SMPX: variants seen among roughly 807,000 people sequenced by gnomAD.
SMPX encodes the protein small muscular protein.
A neutral mutation model predicts 6.3 loss-of-function variants in SMPX; 2 were observed. The ratio of observed to expected loss-of-function variants is 0.32; its 90% CI spans 0.13 to 0.99. The LOEUF (loss-of-function observed/expected upper bound fraction) is 0.99, where lower values mean the gene tolerates loss of function less well. Ranked by LOEUF, SMPX falls within the 50% of genes least tolerant of loss-of-function variation. The pLI, the probability that SMPX is intolerant of heterozygous loss-of-function variation, is 0.49. For synonymous variants in SMPX, 32 were observed against 24.7 expected (o/e 1.30, Z -0.88); for missense variants, 60 against 66.8 (o/e 0.90, Z 0.36).
chrX:21,710,385 C>T (rs751151859), intron 4 of SMPX, among the ~76,000 whole-genome samples: 6 of 110,756 alleles, frequency 5.4e-5, no homozygotes, highest in Non-Finnish European at 1.1e-4. Flanking sequence ...ATATAATGGA[C>T]TTTAGAGCCT....
chrX:21,733,249 A>G (rs1041986891), intron 4 of SMPX, among the ~76,000 whole-genome samples: 1 of 111,887 alleles, frequency 8.9e-6, no homozygotes, highest in South Asian at 3.8e-4. Flanking sequence ...ATTCCAACTC[A>G]TTCTCATTTA....
chrX:21,754,445 C>A (rs898598566), intron 1 of SMPX, 143 bp from the exon 2 acceptor site: 4 of 533,163 alleles, frequency 7.5e-6, no homozygotes, highest in Non-Finnish European at 1.3e-5. Context: ...TCCAAAGTTA[C>A]GAAGACACTC....
intron 4 of SMPX, among the ~76,000 whole-genome samples, chrX:21,723,810 G>A (rs1224504585): frequency 8.9e-6 from 1 of 112,224 alleles, no homozygotes; most frequent in Non-Finnish European, 1.9e-5. Flanking sequence ...CCACACAGGA[G>A]AGAAAACTGA....
chrX:21,709,981 A>G (rs145434167), intron 4 of SMPX, among the ~76,000 whole-genome samples: 237 of 112,034 alleles, frequency 2.1e-3, no homozygotes, highest in African/African-American at 6.9e-3. Context: ...AATGGGTACC[A>G]TTTATATGGC....
intron 4 of SMPX, among the ~76,000 whole-genome samples, chrX:21,725,807 CAGATA>C (rs1430356854): frequency 1.8e-5 from 2 of 112,234 alleles, no homozygotes; most frequent in African/African-American, 6.5e-5. Flanking sequence ...ATATTAGTCA[CAGATA>C]AGATAATTAA....
chrX:21,758,060 C>T lies in SMPX; in HGVS notation c.-131G>A, dbSNP rs1204825808. On this transcript the variant is annotated 5_prime_UTR_variant, in exon 1 of 5. Coordinates refer to ENST00000379494, the MANE Select transcript of SMPX (RefSeq NM_014332.3). The stretch of plus-strand genomic sequence containing the variant: ...GTCCTCTGAGCTGCGATCTCAATTC[C>T]GATGCTTTTCATGTGGCTGAAATAG... 3 of 327,725 alleles carry T rather than the reference C, an allele frequency of 9.2e-6. No individual in the cohort carries two copies. The highest frequency in any genetic ancestry group is 9.7e-5 in the East Asian group (1 of 10,262). 27.0% of individuals were successfully genotyped at this position (327,725 alleles called of 1,213,427 possible). A position where few individuals can be genotyped will look rare whatever the true frequency, so the allele number is the denominator to read the frequency against.
chrX:21,723,497 A>G (rs966993817), intron 4 of SMPX, among the ~76,000 whole-genome samples: 2 of 112,129 alleles, frequency 1.8e-5, no homozygotes, highest in African/African-American at 3.2e-5. Context: ...TAGAATGTGG[A>G]CCTGAAATGA....
intron 2 of SMPX, 141 bp from the exon 3 acceptor site, chrX:21,743,977 G>T: frequency 2.0e-6 from 1 of 489,366 alleles, no homozygotes; most frequent in Non-Finnish European, 3.6e-6. Flanking sequence ...TTGCTGTAAT[G>T]ACAGCATAAA....
At chrX:21,733,737 T>C (rs2092807491) in intron 4 of SMPX, 1 of 329,011 alleles carries the variant, frequency 3.0e-6, no homozygotes. Context: ...AATTCTTTGA[T>C]ATCACTGAGT....
chrX:21,725,003 C>T (rs1237496452), intron 4 of SMPX, among the ~76,000 whole-genome samples: 1 of 112,386 alleles, frequency 8.9e-6, no homozygotes, highest in Non-Finnish European at 1.9e-5. Context: ...AAACCTGTTT[C>T]CTCATTGCCT....
At chrX:21,744,583 A>G (rs766361931) in intron 2 of SMPX, among the ~76,000 whole-genome samples, 1 of 112,406 alleles carries the variant, frequency 8.9e-6, no homozygotes, top group Non-Finnish European at 1.9e-5. Flanking sequence ...GAGATAATAT[A>G]TAAATTTGAA....
intron 4 of SMPX, among the ~76,000 whole-genome samples, chrX:21,730,811 A>G (rs2092802362): frequency 8.9e-6 from 1 of 112,380 alleles, no homozygotes; most frequent in Non-Finnish European, 1.9e-5. Context: ...TATAGTGTTT[A>G]TACAAATAGA....
In SMPX at chrX:21,715,032, G is replaced by A. The variant is rs757491209; in HGVS notation, c.*15-8638C>T. 3.6e-5 allele frequency among the ~76,000 whole-genome samples: 4 copies of A among 110,614 alleles called. No individual in the cohort carries two copies. In the South Asian group the frequency reaches 1.5e-3, roughly 42 times the overall value. ...GGCTCTTCTTTAAAAAGCTGCCGGG[G>A]GAAGTTTAAATCAATGCCTTCATTT... is the stretch of plus-strand genomic sequence containing the variant. On this transcript the variant is annotated intron_variant, in intron 4 of 4. Transcript: ENST00000379494.
At chrX:21,742,787 C>T (rs760645706) in intron 3 of SMPX, among the ~76,000 whole-genome samples, 8 of 112,219 alleles carry the variant, frequency 7.1e-5, no homozygotes, top group African/African-American at 9.7e-5. Flanking sequence ...GTATTAGGAA[C>T]CTTTGAAATG....
intron 1 of SMPX, among the ~76,000 whole-genome samples, chrX:21,757,313 A>G (rs1441427925): frequency 9.0e-6 from 1 of 111,576 alleles, no homozygotes; most frequent in East Asian, 2.8e-4. Flanking sequence ...GAGAGGAAAG[A>G]GGTACTCTTA....
intron 4 of SMPX, among the ~76,000 whole-genome samples, chrX:21,717,607 C>T (rs2092786661): frequency 8.9e-6 from 1 of 112,030 alleles, no homozygotes; most frequent in Admixed American, 9.5e-5. Context: ...GTATTAGGCA[C>T]TGTGGATACA....
chrX:21,745,036 G>T (rs756499744), intron 2 of SMPX, among the ~76,000 whole-genome samples: 7 of 111,232 alleles, frequency 6.3e-5, no homozygotes, highest in African/African-American at 2.3e-4. Flanking sequence ...TCAGGAGCAG[G>T]AGGTGACTTT....
At chrX:21,710,607 C>T (rs1294690115) in intron 4 of SMPX, among the ~76,000 whole-genome samples, 1 of 111,996 alleles carries the variant, frequency 8.9e-6, no homozygotes, top group South Asian at 3.8e-4. Flanking sequence ...CAGACCACCA[C>T]GACCACTGTG....
chrX:21,722,213 T>TTGGTCCTGTCGTTTCTTGGA (rs1478028182), intron 4 of SMPX, among the ~76,000 whole-genome samples: 1 of 112,042 alleles, frequency 8.9e-6, no homozygotes, highest in Non-Finnish European at 1.9e-5. Context: ...CTGTGATCCT[T>TTGGTCCTGTCGTTTCTTGGA]TGGTCCTGTC....
Sources: gnomAD v4.1 joint callset for allele counts (sites outside exome capture counted in the v4.1 genomes callset) on GRCh38, gnomAD v4.1.1 for gene constraint, MANE v1.5 for transcripts, NCBI Gene and HGNC (gene_info 2026-07-23, HGNC 2026-07-21) for gene names.